SUCO: variants seen among roughly 807,000 people sequenced by gnomAD.
SUCO encodes the protein SUN domain containing ossification factor, also known as SUN domain-containing ossification factor.
A neutral mutation model predicts 148.1 loss-of-function variants in SUCO; 57 were observed. The observed-to-expected ratio is 0.38, with a 90% CI of 0.31 to 0.48. SUCO has a LOEUF of 0.48. SUCO is among the 20% of genes least tolerant of loss of function. The probability of loss-of-function intolerance (pLI) is 0.96; values close to 1 mark genes in which losing one functional copy is unlikely to be tolerated. For synonymous variants in SUCO, 470 were observed against 502.7 expected, an observed-to-expected ratio of 0.93 and a Z score of 0.87; for missense variants, 1,331 against 1,468.2, an observed-to-expected ratio of 0.91 and a Z score of 1.53.
chr1:172,574,374 T>G (rs1009628513), intron 10 of SUCO, among the ~76,000 whole-genome samples: 1 of 152,098 alleles, frequency 6.6e-6, no homozygotes, highest in African/African-American at 2.4e-5. Flanking sequence ...AACATTTCTT[T>G]TAAAAGTTGT....
At position 172,600,164 on chromosome 1, in the gene SUCO, G is replaced by A. The variant is rs140385082; in HGVS notation, c.3014G>A (p.Arg1005Gln). ...NLSATVAELK[R>Q]EVSDRQSYLV... The stretch of plus-strand genomic sequence containing the variant: ...TCAGCAACAGTAGCAGAATTGAAAC[G>A]GGAGGTAATTGTTATTGCTGGTATT... Residue 1005 changes from arginine (R) to glutamine (Q), a missense_variant, in exon 20 of 24, where the codon CGG becomes CAG. Physicochemically the swap from Arg to Gln is conservative, Grantham distance 43. Transcript: ENST00000263688. 1.6e-4 allele frequency: 256 copies of A among 1,606,756 alleles called. No homozygotes were observed. In the Admixed American group the frequency reaches 1.7e-3, roughly 11 times the overall value.
intron 23 of SUCO, 65 bp from the exon 24 acceptor site, chr1:172,609,751 C>G (rs1454850861): frequency 2.6e-6 from 4 of 1,534,592 alleles, no homozygotes; most frequent in Middle Eastern, 3.5e-4. Context: ...GCTCAGCTCT[C>G]TAGGTGTTTG....
intron 9 of SUCO, among the ~76,000 whole-genome samples, chr1:172,572,692 T>A (rs1265514800): frequency 8.6e-5 from 2 of 23,300 alleles, no homozygotes; most frequent in Admixed American, 6.4e-4. Flanking sequence ...CCAAGAATGA[T>A]CAATAAAAAA....
chr1:172,604,485 T>C (rs558594090), intron 22 of SUCO, among the ~76,000 whole-genome samples: 2 of 152,048 alleles, frequency 1.3e-5, no homozygotes, highest in Admixed American at 6.5e-5. Context: ...TTATTTTCAC[T>C]TCTAAGCTCT....
chr1:172,559,544 TACA>T (rs1340865176), intron 6 of SUCO, among the ~76,000 whole-genome samples: 1 of 152,172 alleles, frequency 6.6e-6, no homozygotes, highest in African/African-American at 2.4e-5. Context: ...AGCGGCAGTG[TACA>T]GCAGCAGCAG....
chr1:172,586,274 GC>G (rs889642066), intron 17 of SUCO, among the ~76,000 whole-genome samples: 1 of 151,852 alleles, frequency 6.6e-6, no homozygotes, highest in East Asian at 1.9e-4. Context: ...AATTTTAAAG[GC>G]CCCCCCTTTT....
chr1:172,538,341 T>C (rs1376706957), intron 1 of SUCO, among the ~76,000 whole-genome samples: 1 of 152,194 alleles, frequency 6.6e-6, no homozygotes, highest in Non-Finnish European at 1.5e-5. Flanking sequence ...ATTTCCTGGT[T>C]TGTGATTACA....
chr1:172,610,235 T>G lies in SUCO; in HGVS notation c.3741T>G (p.Val1247=). ...NKEITVGTFG[V]TAVSGHI is the part of the protein sequence containing the mutation. ...AGATCACCGTGGGAACATTTGGTGT[T>G]ACAGCAGTCTCGGGACATATCTAAA... The change falls in exon 24 of 24, where the codon GTT becomes GTG. Residue 1247 remains valine (V), a synonymous_variant. Transcript: ENST00000263688. 6.3e-7 allele frequency: 1 copy of G among 1,598,900 alleles called. No homozygotes were observed. Among genetic ancestry groups the G allele is most frequent in the South Asian group, 1.1e-5 (1 of 88,272 alleles).
In SUCO at chr1:172,610,397, A is replaced by G. The variant is rs556591835; in HGVS notation, c.*138A>G. ...AGAAATTATGGTTTCTACCTTTTTA[A>G]AAAGTAGATGGGATTGTGTCAATCT... is the stretch of plus-strand genomic sequence containing the variant. On this transcript the variant is annotated 3_prime_UTR_variant, in exon 24 of 24. Coordinates refer to ENST00000263688, the MANE Select transcript of SUCO (RefSeq NM_014283.5). The G allele has an allele frequency of 7.5e-7, 1 of 1,336,202 alleles. No individual in the cohort carries two copies. Among genetic ancestry groups the G allele is most frequent in the East Asian group, 2.6e-5 (1 of 38,038 alleles). The allele number at this position is 1,336,202 out of a possible 1,614,324, so 82.8% of individuals were successfully genotyped here. A position where few individuals can be genotyped will look rare whatever the true frequency, so the allele number is the denominator to read the frequency against.
At chr1:172,572,412 G>A (rs1158273085) in intron 9 of SUCO, among the ~76,000 whole-genome samples, 4 of 151,888 alleles carry the variant, frequency 2.6e-5, no homozygotes, top group Non-Finnish European at 4.4e-5. Flanking sequence ...CCAACCCTGT[G>A]CTCCCTGAAA....
At chr1:172,578,489 G>T in intron 14 of SUCO, 100 bp downstream of exon 14, 1 of 1,400,022 alleles carries the variant, frequency 7.1e-7, no homozygotes. Context: ...CAATATGACT[G>T]TTGTCTTCAG....
In SUCO at chr1:172,588,796, G is replaced by A; in HGVS notation, c.1695G>A (p.Glu565=). ...CTGAAGTACACACACATGACATGGA[G>A]CCGTCAACACCAGATACTCCAAAAG... The part of the protein sequence containing the change: ...VTTEVHTHDM[E]PSTPDTPKES... The change falls in exon 18 of 24, where the codon GAG becomes GAA. Residue 565 remains glutamate (E), a synonymous_variant. Transcript: ENST00000263688. 6.4e-7 allele frequency: 1 copy of A among 1,567,280 alleles called. No individual in the cohort carries two copies.
At chr1:172,598,803 A>T (rs1437424167) in intron 19 of SUCO, among the ~76,000 whole-genome samples, 1 of 152,208 alleles carries the variant, frequency 6.6e-6, no homozygotes, top group East Asian at 1.9e-4. Flanking sequence ...TCAGAGTCAA[A>T]TGTAAGTCAG....
chr1:172,592,517 C>T (rs1656746898), intron 19 of SUCO, among the ~76,000 whole-genome samples: 1 of 152,132 alleles, frequency 6.6e-6, no homozygotes, highest in Non-Finnish European at 1.5e-5. Context: ...TTCCTAGCAC[C>T]ATTTATTAAA....
chr1:172,534,619 T>A (rs921180748), intron 1 of SUCO, among the ~76,000 whole-genome samples: 1 of 152,206 alleles, frequency 6.6e-6, no homozygotes, highest in African/African-American at 2.4e-5. Context: ...AACAATTGAC[T>A]TATTACCTTT....
At chr1:172,556,071 T>A in intron 4 of SUCO, 48 bp downstream of exon 4, 1 of 1,487,220 alleles carries the variant, frequency 6.7e-7, no homozygotes, top group Non-Finnish European at 9.2e-7. Context: ...CCTTAGTTAG[T>A]GATAGAAAAA....
intron 19 of SUCO, among the ~76,000 whole-genome samples, chr1:172,592,954 C>T (rs559386390): frequency 6.6e-6 from 1 of 152,204 alleles, no homozygotes; most frequent in East Asian, 1.9e-4. Context: ...TTATTTCCTT[C>T]AGCAGTGGTT....
Position 172,588,785 on chromosome 1 carries a change from C to T in SUCO, c.1684C>T (p.His562Tyr). 1 of 1,549,410 alleles carries T rather than the reference C, an allele frequency of 6.5e-7. No homozygotes were observed. The highest frequency in any genetic ancestry group is 8.7e-7 in the Non-Finnish European group (1 of 1,149,952). ...PEYVTTEVHT[H>Y]DMEPSTPDTP... ...GTATGTAACCACTGAAGTACACACA[C>T]ATGACATGGAGCCGTCAACACCAGA... The change falls in exon 18 of 24, where the codon CAT (histidine) becomes TAT (tyrosine). Residue 562 changes from histidine (H) to tyrosine (Y), a missense_variant. Coordinates refer to ENST00000263688, the MANE Select transcript of SUCO (RefSeq NM_014283.5).
intron 19 of SUCO, among the ~76,000 whole-genome samples, chr1:172,596,740 C>A (rs1295292346): frequency 6.6e-6 from 1 of 152,210 alleles, no homozygotes; most frequent in Non-Finnish European, 1.5e-5. Context: ...GGGTCAGGGA[C>A]CCACTTGAGG....
Sources: gnomAD v4.1 joint callset for allele counts (sites outside exome capture counted in the v4.1 genomes callset) on GRCh38, gnomAD v4.1.1 for gene constraint, MANE v1.5 for transcripts, NCBI Gene and HGNC (gene_info 2026-07-23, HGNC 2026-07-21) for gene names.